SIPA1L1: variants seen among roughly 807,000 people sequenced by gnomAD.
The protein encoded by SIPA1L1 is signal induced proliferation associated 1 like 1.
A neutral mutation model predicts 162.7 loss-of-function variants in SIPA1L1; 26 were observed. The ratio of observed to expected loss-of-function variants is 0.16; its 90% CI spans 0.12 to 0.22. The LOEUF (loss-of-function observed/expected upper bound fraction) is 0.22. Among genes scored for constraint, SIPA1L1 ranks in the 10% least tolerant of loss-of-function variants. The pLI is 1.00. For missense variants in SIPA1L1, 1,874 were observed against 2,241.0 expected (o/e 0.84, Z 3.31); for synonymous variants, 829 against 837.4 (o/e 0.99, Z 0.17).
chr14:71,598,037 A>C (rs1469205005), intron 5 of SIPA1L1, among the ~76,000 whole-genome samples: 1 of 152,228 alleles, frequency 6.6e-6, no homozygotes, highest in African/African-American at 2.4e-5. Context: ...AGCATCAGGA[A>C]GAAAAAGGTA....
chr14:71,599,147 C>CTTTTTTTTT (rs35037397), intron 5 of SIPA1L1, among the ~76,000 whole-genome samples: 4 of 106,198 alleles, frequency 3.8e-5, no homozygotes, highest in East Asian at 2.9e-4. Flanking sequence ...TGATTTCATT[C>CTTTTTTTTT]TTTTTTTTTT....
chr14:71,374,521 A>G (rs969003240), intron 2 of SIPA1L1, among the ~76,000 whole-genome samples: 4 of 151,860 alleles, frequency 2.6e-5, no homozygotes, highest in Non-Finnish European at 5.9e-5. Flanking sequence ...TATGAAGTTT[A>G]CATTTAAACA....
chr14:71,320,576 C>G (rs527697997), intron 1 of SIPA1L1, 73 bp downstream of exon 1: 1 of 152,766 alleles, frequency 6.5e-6, no homozygotes, highest in East Asian at 1.9e-4. Context: ...AGGCCGCCCC[C>G]GCAGCCACTC....
At chr14:71,424,006 C>A (rs555855636) in intron 2 of SIPA1L1, among the ~76,000 whole-genome samples, 1 of 151,740 alleles carries the variant, frequency 6.6e-6, no homozygotes, top group South Asian at 2.1e-4. Flanking sequence ...TTGTACAAGT[C>A]TTTCACTTCC....
At chr14:71,397,228 A>G (rs1227285804) in intron 2 of SIPA1L1, among the ~76,000 whole-genome samples, 1 of 152,100 alleles carries the variant, frequency 6.6e-6, no homozygotes, top group East Asian at 1.9e-4. Flanking sequence ...CAAGGATTTT[A>G]GTTGACTTTG....
intron 2 of SIPA1L1, among the ~76,000 whole-genome samples, chr14:71,501,651 C>T (rs923904908): frequency 1.9e-4 from 29 of 151,992 alleles, no homozygotes; most frequent in African/African-American, 5.8e-4. Flanking sequence ...TTACAGTGGT[C>T]GGTTCAGTTT....
At chr14:71,320,913 G>A (rs943784143) in intron 1 of SIPA1L1, among the ~76,000 whole-genome samples, 11 of 151,812 alleles carry the variant, frequency 7.2e-5, no homozygotes, top group Non-Finnish European at 4.4e-5. Context: ...TCCTCCGGGA[G>A]CTCGGCCCCC....
rs369488625 is a variant in SIPA1L1, at chr14:71,723,803, C to T, written c.4365C>T (p.Arg1455=). ...CTGGTCCTAGGAGTTTTTACCCTCGCCAGGGCGCTACTAGCAAGTACCTGA... is the reference window on the plus strand; with the variant it reads ...CTGGTCCTAGGAGTTTTTACCCTCGTCAGGGCGCTACTAGCAAGTACCTGA... ...SSSGPRSFYP[R]QGATSKYLIG... is the part of the protein sequence containing the mutation. The change falls in exon 18 of 24, where the codon CGC becomes CGT. Residue 1455 remains arginine, a synonymous_variant. Transcript: ENST00000381232. The T allele has an allele frequency of 4.3e-6, 7 of 1,614,188 alleles. No individual in the cohort carries two copies. Among genetic ancestry groups the T allele is most frequent in the Non-Finnish European group, 5.9e-6 (7 of 1,180,034 alleles).
chr14:71,544,355 A>G (rs773409646), intron 4 of SIPA1L1, among the ~76,000 whole-genome samples: 2 of 151,732 alleles, frequency 1.3e-5, no homozygotes, highest in Non-Finnish European at 2.9e-5. Context: ...ATATACATGT[A>G]TCATATGTGT....
intron 2 of SIPA1L1, among the ~76,000 whole-genome samples, chr14:71,504,163 A>T (rs1342541323): frequency 6.6e-6 from 1 of 152,204 alleles, no homozygotes; most frequent in Non-Finnish European, 1.5e-5. Flanking sequence ...TCAATAAAAA[A>T]AAAATTTAAA....
In SIPA1L1 at chr14:71,335,173, G is replaced by A. The variant is rs555347274; in HGVS notation, c.-465+13992G>A. 1.5e-3 allele frequency among the ~76,000 whole-genome samples: 231 copies of A among 152,264 alleles called. 1 individual carries two copies. The highest frequency in any genetic ancestry group is 2.8e-3 in the African/African-American group (117 of 41,552). On this transcript the variant is annotated intron_variant, in intron 2 of 23. Transcript: ENST00000381232. Reference sequence around the variant, plus strand: ...AAATTAGCCGGGCGTGGTAGTGGGCGCCTGTAGTTCCAGCTACTTGGCAGG... The same window carrying A: ...AAATTAGCCGGGCGTGGTAGTGGGCACCTGTAGTTCCAGCTACTTGGCAGG...
At chr14:71,444,724 TC>T (rs539203725) in intron 2 of SIPA1L1, among the ~76,000 whole-genome samples, 8 of 152,184 alleles carry the variant, frequency 5.3e-5, no homozygotes, top group Non-Finnish European at 8.8e-5. Flanking sequence ...TGTCTGCTGC[TC>T]CCTCTTATTG....
rs1030985023 is a variant in SIPA1L1, at chr14:71,739,385, A to C, written c.*224A>C. 6.0e-6 allele frequency: 2 copies of C among 332,048 alleles called. No homozygotes were observed. The highest frequency in any genetic ancestry group is 9.5e-5 in the East Asian group (2 of 21,036). The allele number at this position is 332,048 out of a possible 1,614,324, so 20.6% of individuals were successfully genotyped here. On this transcript the variant is annotated 3_prime_UTR_variant, in exon 24 of 24. Coordinates refer to ENST00000381232, the MANE Select transcript of SIPA1L1 (RefSeq NM_001386936.1). ...GTAAATAAAAATTTTAAACAGTAAA[A>C]TAAAAGTTTAACTGCTAAAATGTGA...
intron 2 of SIPA1L1, among the ~76,000 whole-genome samples, chr14:71,331,066 G>A (rs1166896416): frequency 1.3e-5 from 2 of 152,016 alleles, no homozygotes; most frequent in Non-Finnish European, 2.9e-5. Context: ...GTCCATTTTG[G>A]GTTCATTTTT....
At chr14:71,688,658 CTG>C (rs2081043212) in intron 13 of SIPA1L1, among the ~76,000 whole-genome samples, 1 of 152,186 alleles carries the variant, frequency 6.6e-6, no homozygotes, top group African/African-American at 2.4e-5. Context: ...CCTCATCCAT[CTG>C]ACTCTCCCCT....
intron 2 of SIPA1L1, among the ~76,000 whole-genome samples, chr14:71,335,212 A>C (rs1464644720): frequency 6.6e-6 from 1 of 152,174 alleles, no homozygotes; most frequent in Non-Finnish European, 1.5e-5. Flanking sequence ...AGGTAGGAGA[A>C]TGGAGTGTGA....
intron 2 of SIPA1L1, among the ~76,000 whole-genome samples, chr14:71,368,139 ATTCT>A (rs1288805596): frequency 1.7e-5 from 2 of 118,762 alleles, no homozygotes; most frequent in African/African-American, 3.1e-5. Flanking sequence ...TTTTTGTGGT[ATTCT>A]TTTTTTTTTT....
chr14:71,617,815 TGTAAA>T (rs1314034958), intron 5 of SIPA1L1, among the ~76,000 whole-genome samples: 2 of 152,208 alleles, frequency 1.3e-5, no homozygotes, highest in African/African-American at 2.4e-5. Context: ...AATACAGTAA[TGTAAA>T]GTAAGCATTT....
chr14:71,722,401 T>C (rs1009102210), intron 17 of SIPA1L1, among the ~76,000 whole-genome samples: 5 of 152,208 alleles, frequency 3.3e-5, no homozygotes, highest in African/African-American at 1.2e-4. Flanking sequence ...GACGATTCAT[T>C]TTTGACAAAT....
Sources: gnomAD v4.1 joint callset for allele counts (sites outside exome capture counted in the v4.1 genomes callset) on GRCh38, gnomAD v4.1.1 for gene constraint, MANE v1.5 for transcripts, NCBI Gene and HGNC (gene_info 2026-07-23, HGNC 2026-07-21) for gene names.